Variants in ADGRE1 observed in about 807,000 individuals in gnomAD.
ADGRE1 encodes EGF-like module receptor 1.
ADGRE1 carries 82 observed loss-of-function variants against 102.7 expected under a neutral mutation model. The ratio of observed to expected loss-of-function variants is 0.80; its 90% CI spans 0.67 to 0.96. ADGRE1 has a LOEUF of 0.96. Among genes scored for constraint, ADGRE1 ranks in the 40% least tolerant of loss-of-function variants. The pLI, the probability that ADGRE1 is intolerant of heterozygous loss-of-function variation, is 0.00. For synonymous variants in ADGRE1, 398 were observed against 399.6 expected (o/e 1.00, Z 0.05); for missense variants, 1,032 against 1,085.3 (o/e 0.95, Z 0.69).
intron 16 of ADGRE1, among the ~76,000 whole-genome samples, chr19:6,927,147 G>T (rs1424993057): frequency 1.3e-5 from 2 of 151,994 alleles, no homozygotes; most frequent in African/African-American, 4.8e-5. Context: ...GTACACTAGA[G>T]ACATAATAAA....
chr19:6,902,121 C>T, intron 6 of ADGRE1, 100 bp downstream of exon 6: 1 of 1,435,796 alleles, frequency 7.0e-7, no homozygotes, highest in Non-Finnish European at 9.6e-7. Flanking sequence ...AGACTTTCAT[C>T]TGCAAATCTG....
chr19:6,901,144 A>G (rs559091405), intron 5 of ADGRE1, among the ~76,000 whole-genome samples: 1 of 152,330 alleles, frequency 6.6e-6, no homozygotes, highest in African/African-American at 2.4e-5. Flanking sequence ...CAGATGGTGC[A>G]CACATCACTT....
intron 13 of ADGRE1, 44 bp downstream of exon 13, chr19:6,919,791 G>A (rs751888863): frequency 1.3e-6 from 2 of 1,582,170 alleles, no homozygotes; most frequent in East Asian, 2.2e-5. Context: ...TACCTGTTGG[G>A]AACTCCTCGT....
At chr19:6,936,008 A>G (rs949843859) in intron 18 of ADGRE1, among the ~76,000 whole-genome samples, 2 of 152,118 alleles carry the variant, frequency 1.3e-5, no homozygotes, top group Non-Finnish European at 1.5e-5. Flanking sequence ...CCACTCAACT[A>G]CTGTTCATTT....
chr19:6,900,846 T>G (rs1163386447), intron 5 of ADGRE1, among the ~76,000 whole-genome samples: 1 of 152,260 alleles, frequency 6.6e-6, no homozygotes, highest in Non-Finnish European at 1.5e-5. Context: ...TAACAAATTG[T>G]CTTAAAAATT....
intron 11 of ADGRE1, among the ~76,000 whole-genome samples, chr19:6,914,300 C>T (rs1195331689): frequency 1.3e-5 from 2 of 152,224 alleles, no homozygotes; most frequent in East Asian, 1.9e-4. Context: ...ATCACAGCTG[C>T]TCCTTCTGCC....
At chr19:6,891,505 G>C (rs1402039438) in intron 2 of ADGRE1, among the ~76,000 whole-genome samples, 2 of 150,926 alleles carry the variant, frequency 1.3e-5, no homozygotes, top group East Asian at 1.9e-4. Flanking sequence ...CCAGGCTGGA[G>C]TGCAGTGGTG....
intron 5 of ADGRE1, chr19:6,898,516 G>T: frequency 6.4e-7 from 1 of 1,551,850 alleles, no homozygotes; most frequent in Non-Finnish European, 8.9e-7. Flanking sequence ...TATCAGTGGG[G>T]TGAGTTCATG....
intron 20 of ADGRE1, among the ~76,000 whole-genome samples, chr19:6,938,147 G>C (rs916959807): frequency 6.6e-6 from 1 of 151,948 alleles, no homozygotes; most frequent in Non-Finnish European, 1.5e-5. Context: ...GACCAACCTG[G>C]CCAACATGGC....
At position 6,924,749 on chromosome 19, in the gene ADGRE1, C is replaced by G. The variant is rs761181614; in HGVS notation, c.1863C>G (p.Ile621Met). The change falls in exon 15 of 21, where the codon ATC (isoleucine) becomes ATG (methionine). Residue 621 changes from isoleucine to methionine, a missense_variant. Ile to Met is a conservative substitution (Grantham distance 10). Transcript: ENST00000312053. ...CCTTGGTGTGCCTCGTCTTGGCCATCGCCACCTTTCTGCTGTGTCGCTCCA... is the reference window on the plus strand; with the variant it reads ...CCTTGGTGTGCCTCGTCTTGGCCATGGCCACCTTTCTGCTGTGTCGCTCCA... Reference protein sequence around the residue: ...IISLVCLVLAIATFLLCRSIR... With the variant: ...IISLVCLVLAMATFLLCRSIR... 1 of 1,614,058 alleles carries G rather than the reference C, an allele frequency of 6.2e-7. No individual in the cohort carries two copies. Among genetic ancestry groups the G allele is most frequent in the African/African-American group, 1.3e-5 (1 of 74,924 alleles).
intron 17 of ADGRE1, among the ~76,000 whole-genome samples, chr19:6,934,051 G>A (rs1292878237): frequency 6.6e-6 from 1 of 152,144 alleles, no homozygotes; most frequent in African/African-American, 2.4e-5. Context: ...CGAGATTTCT[G>A]TAGTCCAGTA....
Position 6,935,085 on chromosome 19 carries a change from C to T in ADGRE1, c.2381+7C>T, listed in dbSNP as rs1328030257. On this transcript the variant is annotated splice_region_variant and intron_variant, in intron 18 of 20. Transcript: ENST00000312053. The stretch of plus-strand genomic sequence containing the variant: ...CAACGCTAAAAGACACCAGGTAAAG[C>T]CCTCTTTCACCTCCCCCCCTCTTTT... The T allele has an allele frequency of 3.9e-6, 6 of 1,535,692 alleles. No homozygotes were observed. The highest frequency in any genetic ancestry group is 3.1e-5 in the African/African-American group (2 of 63,948).
rs914502993 is a variant in ADGRE1, at chr19:6,924,864, G to C, written c.1978G>C (p.Asp660His). The C allele has an allele frequency of 1.1e-5, 18 of 1,613,970 alleles. No individual in the cohort carries two copies. The highest frequency in any genetic ancestry group is 1.4e-5 in the Non-Finnish European group (16 of 1,179,988). The change falls in exon 15 of 21, where the codon GAC (aspartate) becomes CAC (histidine). Residue 660 changes from aspartate to histidine, a missense_variant. Physicochemically the swap from Asp to His is moderately conservative, Grantham distance 81. Transcript: ENST00000312053. The stretch of plus-strand genomic sequence containing the variant: ...CTTCCTCGCCGGTATACACAAGACT[G>C]ACAACAAGGTCTACATCGCTCGGGC... ...TLFLAGIHKTDNKMGCAIIAG... is the reference protein window; with the variant it reads ...TLFLAGIHKTHNKMGCAIIAG...
chr19:6,923,098 T>C (rs539968022), intron 14 of ADGRE1, among the ~76,000 whole-genome samples: 1 of 150,304 alleles, frequency 6.7e-6, no homozygotes, highest in East Asian at 2.0e-4. Flanking sequence ...AAGTATCCTT[T>C]CCTATCATGG....
At chr19:6,925,230 C>T (rs1260222435) in intron 15 of ADGRE1, among the ~76,000 whole-genome samples, 1 of 152,170 alleles carries the variant, frequency 6.6e-6, no homozygotes, top group Non-Finnish European at 1.5e-5. Flanking sequence ...AAGCAATTCT[C>T]CTGCCTCAGC....
chr19:6,926,346 C>G lies in ADGRE1; in HGVS notation c.1987-20C>G. The G allele has an allele frequency of 6.2e-7, 1 of 1,611,476 alleles. No homozygotes were observed. Among genetic ancestry groups the G allele is most frequent in the Non-Finnish European group, 8.5e-7 (1 of 1,178,610 alleles). ...CTCTCTGGGGTGGAGGATTCTGATGCGCATGCTTCTCCCCTCCAGATGGGC... is the reference window on the plus strand; with the variant it reads ...CTCTCTGGGGTGGAGGATTCTGATGGGCATGCTTCTCCCCTCCAGATGGGC... On this transcript the variant is annotated intron_variant, in intron 15 of 20. Coordinates refer to ENST00000312053, the MANE Select transcript of ADGRE1 (RefSeq NM_001974.5).
rs968910645 is a variant in ADGRE1 at position 6,940,243 on chromosome 19, C to T, written c.*214C>T. The T allele has an allele frequency of 2.0e-5, 12 of 604,214 alleles. No individual in the cohort carries two copies. Among genetic ancestry groups the T allele is most frequent in the Non-Finnish European group, 3.5e-5 (12 of 343,066 alleles). The allele number at this position is 604,214 out of a possible 1,614,324, so 37.4% of individuals were successfully genotyped here. Reference sequence around the variant, plus strand: ...TTTCTGCTCCAAACGACCATTTTATCTTCGTGCTCTGCAACTTCTTCAATT... The same window carrying T: ...TTTCTGCTCCAAACGACCATTTTATTTTCGTGCTCTGCAACTTCTTCAATT... On this transcript the variant is annotated 3_prime_UTR_variant, in exon 21 of 21. Transcript: ENST00000312053.
At chr19:6,895,756 G>C (rs1328232014) in intron 2 of ADGRE1, 1 of 152,220 alleles carries the variant, frequency 6.6e-6, no homozygotes, top group East Asian at 1.9e-4. Flanking sequence ...TGCAGATTCT[G>C]ATTCAATGGA....
chr19:6,913,625 GAA>G, intron 10 of ADGRE1, 26 bp from the exon 11 acceptor site: 1 of 1,538,264 alleles, frequency 6.5e-7, no homozygotes, highest in Non-Finnish European at 8.8e-7. Context: ...GAGAGAGAGA[GAA>G]TGAACAAACA....
Sources: allele counts gnomAD v4.1 joint callset (sites outside exome capture counted in the v4.1 genomes callset), GRCh38; gene constraint gnomAD v4.1.1; transcripts MANE v1.5; gene names NCBI Gene and HGNC (gene_info 2026-07-23, HGNC 2026-07-21).